The following INTS6 variants were observed in gnomAD, a reference collection of about 807,000 sequenced individuals.
INTS6 encodes DEAD box protein.
INTS6 carries 16 observed loss-of-function variants against 104.9 expected under a neutral mutation model. The ratio of observed to expected loss-of-function variants is 0.15; its 90% CI spans 0.10 to 0.23. The LOEUF is 0.23. INTS6 is among the 10% of genes least tolerant of loss of function. The pLI is 1.00. For synonymous variants in INTS6, 324 were observed against 358.7 expected (o/e 0.90, Z 1.09); for missense variants, 584 against 1,062.8 (o/e 0.55, Z 6.26).
Position 51,389,492 on chromosome 13 carries a change from T to G in INTS6, c.614-48A>C, listed in dbSNP as rs1203436876. On this transcript the variant is annotated intron_variant, in intron 5 of 17. Coordinates refer to ENST00000311234, the MANE Select transcript of INTS6 (RefSeq NM_012141.3). ...GAAGAAGAAGAAGAATATAGTAAACTAGTTAGTTGCAAGAATTCCTATCAT... is the reference window on the plus strand; with the variant it reads ...GAAGAAGAAGAAGAATATAGTAAACGAGTTAGTTGCAAGAATTCCTATCAT... 2.0e-6 allele frequency: 3 copies of G among 1,488,894 alleles called. No individual in the cohort carries two copies. In the African/African-American group the frequency reaches 4.3e-5, roughly 21 times the overall value. The allele number at this position is 1,488,894 out of a possible 1,614,324, so 92.2% of individuals were successfully genotyped here.
intron 7 of INTS6, 91 bp from the exon 8 acceptor site, chr13:51,383,832 C>T (rs547651283): frequency 1.1e-5 from 12 of 1,106,358 alleles, no homozygotes; most frequent in Middle Eastern, 4.2e-4. Context: ...TCAGTTCCTC[C>T]GTCTTGCTAG....
the INTS6 span, among the ~76,000 whole-genome samples, chr13:51,342,325 T>C: frequency 6.6e-6 from 1 of 152,034 alleles, no homozygotes; most frequent in Admixed American, 6.5e-5. Flanking sequence ...CCACCACCTA[T>C]ACCTGGGTGA....
chr13:51,413,095 T>C (rs1383952217), intron 4 of INTS6, among the ~76,000 whole-genome samples: 1 of 152,188 alleles, frequency 6.6e-6, no homozygotes, highest in Non-Finnish European at 1.5e-5. Context: ...AAAGACAGGA[T>C]AGTCCTTCCT....
chr13:51,395,275 A>G (rs1222655168), intron 5 of INTS6, 25 bp downstream of exon 5: 1 of 1,576,492 alleles, frequency 6.3e-7, no homozygotes, highest in Non-Finnish European at 8.6e-7. Flanking sequence ...TTAAGTTACC[A>G]AATTACTGCC....
intron 4 of INTS6, chr13:51,402,674 T>G (rs1464766413): frequency 6.6e-6 from 1 of 152,226 alleles, no homozygotes; most frequent in South Asian, 2.1e-4. Context: ...AAATGCAACT[T>G]CAATTTAAAT....
intron 3 of INTS6, chr13:51,444,214 A>T (rs1024498283): frequency 7.1e-6 from 1 of 141,246 alleles, no homozygotes; most frequent in Non-Finnish European, 1.5e-5. Flanking sequence ...AGTCCTGAGT[A>T]GCTAGGACTA....
intron 7 of INTS6, chr13:51,384,987 C>T (rs1347550800): frequency 2.4e-5 from 5 of 205,054 alleles, no homozygotes; most frequent in South Asian, 7.5e-5. Flanking sequence ...TAAAACTGTT[C>T]GGTAAAAGTA....
chr13:51,416,360 C>T (rs1956786813), intron 4 of INTS6, among the ~76,000 whole-genome samples: 1 of 152,178 alleles, frequency 6.6e-6, no homozygotes, highest in African/African-American at 2.4e-5. Context: ...TTTTGATCAC[C>T]TGAAAATGAA....
intron 3 of INTS6, chr13:51,447,503 G>C (rs1952942272): frequency 6.6e-6 from 1 of 151,938 alleles, no homozygotes; most frequent in Non-Finnish European, 1.5e-5. Context: ...ATTCACCATA[G>C]AAAATCCTCA....
chr13:51,360,753 G>A (rs890834890), downstream of INTS6, among the ~76,000 whole-genome samples: 2 of 151,970 alleles, frequency 1.3e-5, no homozygotes, highest in African/African-American at 4.8e-5. Flanking sequence ...TCTGAATTGT[G>A]CCTCAATAAA....
At chr13:51,367,612 G>A (rs1955718079) in intron 17 of INTS6, among the ~76,000 whole-genome samples, 193 bp downstream of exon 17, 1 of 152,024 alleles carries the variant, frequency 6.6e-6, no homozygotes, top group Non-Finnish European at 1.5e-5. Flanking sequence ...AATTCCTGAA[G>A]AATGTATGTG....
At chr13:51,376,831 A>T (rs1269829397) in intron 12 of INTS6, among the ~76,000 whole-genome samples, 2 of 152,136 alleles carry the variant, frequency 1.3e-5, no homozygotes, top group Non-Finnish European at 2.9e-5. Context: ...TATTATATGG[A>T]CACACCACAT....
At chr13:51,409,944 C>T (rs988548644) in intron 4 of INTS6, among the ~76,000 whole-genome samples, 1 of 152,046 alleles carries the variant, frequency 6.6e-6, no homozygotes, top group African/African-American at 2.4e-5. Flanking sequence ...GCAAAAAAAT[C>T]AACTGTTTAT....
intron 3 of INTS6, among the ~76,000 whole-genome samples, chr13:51,356,456 C>T (rs1264831714): frequency 6.6e-6 from 1 of 152,184 alleles, no homozygotes; most frequent in Admixed American, 6.5e-5. Context: ...CAGAGCTCAG[C>T]CATGGCATCC....
intron 14 of INTS6, 56 bp from the exon 15 acceptor site, chr13:51,374,495 C>A: frequency 1.9e-6 from 3 of 1,551,534 alleles, no homozygotes; most frequent in Non-Finnish European, 2.7e-6. Context: ...TTAAATGGCA[C>A]AACCAGTGTC....
At chr13:51,448,564 T>A (rs563591716) in intron 3 of INTS6, 2 of 152,334 alleles carry the variant, frequency 1.3e-5, no homozygotes, top group Admixed American at 1.3e-4. Context: ...TGTAGGTATG[T>A]TAACTAAGTT....
chr13:51,422,976 T>G lies in INTS6; in HGVS notation c.429+7318A>C. On this transcript the variant is annotated intron_variant, in intron 4 of 17. Coordinates refer to ENST00000311234, the MANE Select transcript of INTS6 (RefSeq NM_012141.3). ...CTTTACGCTGTCTCAGAACCTTCTG[T>G]TTATTTCTGCCATGAGATTTATCTT... The G allele has an allele frequency of 5.0e-6, 5 of 990,402 alleles. No individual in the cohort carries two copies. The South Asian group carries it at 7.5e-5, about 15-fold the overall frequency. 61.4% of individuals were successfully genotyped at this position (990,402 alleles called of 1,614,324 possible).
At chr13:51,420,381 T>C (rs1956874609) in intron 4 of INTS6, among the ~76,000 whole-genome samples, 1 of 151,920 alleles carries the variant, frequency 6.6e-6, no homozygotes, top group Admixed American at 6.6e-5. Flanking sequence ...CATTTAAATT[T>C]AGTAATCAAC....
At chr13:51,339,948 G>C in the INTS6 span, among the ~76,000 whole-genome samples, 1 of 152,140 alleles carries the variant, frequency 6.6e-6, no homozygotes, top group African/African-American at 2.4e-5. Context: ...GAGAGAGAGA[G>C]AGCCCTATGT....
Sources: allele counts gnomAD v4.1 joint callset (sites outside exome capture counted in the v4.1 genomes callset), GRCh38; gene constraint gnomAD v4.1.1; transcripts MANE v1.5; gene names NCBI Gene and HGNC (gene_info 2026-07-23, HGNC 2026-07-21).